Variants in MLLT3 observed in about 807,000 individuals in gnomAD.
MLLT3 encodes the protein protein AF-9.
MLLT3 carries 4 observed loss-of-function variants against 53.2 expected under a neutral mutation model. The ratio of observed to expected loss-of-function variants is 0.08; its 90% CI spans 0.04 to 0.17. The LOEUF is 0.17. MLLT3 is among the 10% of genes least tolerant of loss of function. MLLT3 has a pLI of 1.00. For missense variants in MLLT3, 569 were observed against 684.0 expected (o/e 0.83, Z 1.87); for synonymous variants, 283 against 230.6 (o/e 1.23, Z -2.06).
intron 2 of MLLT3, among the ~76,000 whole-genome samples, chr9:20,612,237 G>A (rs1820720639): frequency 6.6e-6 from 1 of 152,126 alleles, no homozygotes; most frequent in Non-Finnish European, 1.5e-5. Flanking sequence ...ACATTTCTAG[G>A]CTTCTGATTA....
At chr9:20,612,193 TG>T (rs1204313225) in intron 2 of MLLT3, among the ~76,000 whole-genome samples, 2 of 152,168 alleles carry the variant, frequency 1.3e-5, no homozygotes, top group African/African-American at 4.8e-5. Context: ...CAGGCATACT[TG>T]TGACTCATTG....
chr9:20,598,718 T>G (rs1820338553), intron 2 of MLLT3, among the ~76,000 whole-genome samples: 1 of 152,234 alleles, frequency 6.6e-6, no homozygotes, highest in Non-Finnish European at 1.5e-5. Context: ...AGTACACTTC[T>G]AAAACTACCT....
At chr9:20,564,183 G>C (rs568628721) in intron 2 of MLLT3, among the ~76,000 whole-genome samples, 2 of 152,032 alleles carry the variant, frequency 1.3e-5, no homozygotes, top group African/African-American at 4.8e-5. Context: ...TATAAATACA[G>C]AGTGATCAAG....
chr9:20,563,582 A>G (rs951141288), intron 2 of MLLT3, among the ~76,000 whole-genome samples: 1 of 152,102 alleles, frequency 6.6e-6, no homozygotes, highest in Non-Finnish European at 1.5e-5. Context: ...TGCTAAGCAT[A>G]AATACTGCTT....
intron 4 of MLLT3, among the ~76,000 whole-genome samples, chr9:20,442,884 C>T (rs1303391861): frequency 6.6e-6 from 1 of 152,164 alleles, no homozygotes; most frequent in African/African-American, 2.4e-5. Flanking sequence ...TTCCCCATGT[C>T]TTCTCCAGCA....
At chr9:20,365,362 C>T (rs1024326432) in intron 6 of MLLT3, among the ~76,000 whole-genome samples, 3 of 151,760 alleles carry the variant, frequency 2.0e-5, no homozygotes, top group Non-Finnish European at 4.4e-5. Context: ...TTTTTTGAGA[C>T]GGAGTCTCAC....
At chr9:20,415,352 T>C (rs896773812) in intron 4 of MLLT3, 7 of 477,426 alleles carry the variant, frequency 1.5e-5, no homozygotes, top group Non-Finnish European at 1.9e-5. Flanking sequence ...ATATGATCAA[T>C]TTTTCCACTC....
At chr9:20,466,987 A>G (rs1563976848) in intron 2 of MLLT3, among the ~76,000 whole-genome samples, 1 of 152,230 alleles carries the variant, frequency 6.6e-6, no homozygotes, top group South Asian at 2.1e-4. Flanking sequence ...AAAGCTTGGT[A>G]TAAGTAGGTT....
intron 2 of MLLT3, among the ~76,000 whole-genome samples, chr9:20,463,241 T>A (rs1218860986): frequency 1.3e-5 from 2 of 152,076 alleles, no homozygotes; most frequent in Non-Finnish European, 2.9e-5. Flanking sequence ...GAATGTTTAC[T>A]TATGTATTCA....
intron 10 of MLLT3, among the ~76,000 whole-genome samples, chr9:20,349,124 A>G (rs765633140): frequency 6.6e-6 from 1 of 152,212 alleles, no homozygotes; most frequent in African/African-American, 2.4e-5. Flanking sequence ...TAGGTAATTG[A>G]CAAAGCATTC....
chr9:20,515,011 A>G (rs1374350280), intron 2 of MLLT3, among the ~76,000 whole-genome samples: 1 of 123,444 alleles, frequency 8.1e-6, no homozygotes, highest in Non-Finnish European at 1.6e-5. Flanking sequence ...CAGTGGCGTT[A>G]TCTCGGCTCA....
At position 20,513,730 on chromosome 9, in the gene MLLT3, C is replaced by T. The variant is rs115876476; in HGVS notation, c.194-56944G>A. Among the ~76,000 whole-genome samples, 906 of 152,210 alleles carry T rather than the reference C, an allele frequency of 6.0e-3. 6 individuals carry two copies. Among genetic ancestry groups the T allele is most frequent in the African/African-American group, 0.02 (814 of 41,528 alleles). ...GGTTGTACACGGCAGGTATCTGGCT[C>T]GACCACACTGAGGAACCGGGAGGAG... On this transcript the variant is annotated intron_variant, in intron 2 of 10. Coordinates refer to ENST00000380338, the MANE Select transcript of MLLT3 (RefSeq NM_004529.4).
chr9:20,511,954 T>C (rs925071022), intron 2 of MLLT3, among the ~76,000 whole-genome samples: 4 of 151,740 alleles, frequency 2.6e-5, no homozygotes, highest in African/African-American at 7.3e-5. Context: ...CAGTACAGAG[T>C]TCTAAAATAG....
intron 2 of MLLT3, among the ~76,000 whole-genome samples, chr9:20,525,016 T>C (rs939981501): frequency 2.8e-5 from 4 of 145,132 alleles, no homozygotes; most frequent in African/African-American, 1.0e-4. Context: ...CCAGTGAGGG[T>C]AGAGGATAAA....
intron 2 of MLLT3, among the ~76,000 whole-genome samples, chr9:20,503,374 G>C (rs1825297344): frequency 6.6e-6 from 1 of 152,024 alleles, no homozygotes; most frequent in Non-Finnish European, 1.5e-5. Flanking sequence ...GGAATAGAGG[G>C]CCCAGAAATA....
At chr9:20,396,755 G>A (rs1008499077) in intron 5 of MLLT3, among the ~76,000 whole-genome samples, 1 of 151,912 alleles carries the variant, frequency 6.6e-6, no homozygotes. Flanking sequence ...AGGAAGTGAG[G>A]TATGTATGAC....
chr9:20,397,280 G>T (rs1442128779), intron 5 of MLLT3, among the ~76,000 whole-genome samples: 1 of 151,940 alleles, frequency 6.6e-6, no homozygotes, highest in Admixed American at 6.6e-5. Context: ...TACATTATTG[G>T]TTTCTAAAAC....
chr9:20,586,797 G>A (rs759871263), intron 2 of MLLT3, among the ~76,000 whole-genome samples: 5 of 152,044 alleles, frequency 3.3e-5, no homozygotes, highest in African/African-American at 1.2e-4. Flanking sequence ...TTCCTCTAAG[G>A]AGCCAGCAGA....
In MLLT3 at chr9:20,448,665, G is replaced by C. The variant is rs1459427222; in HGVS notation, c.277-399C>G. ...CAAGCCCTCTAACTCTTACTACTAGGCTTTTACTCATGGCCCAAACTATAA... is the reference window on the plus strand; with the variant it reads ...CAAGCCCTCTAACTCTTACTACTAGCCTTTTACTCATGGCCCAAACTATAA... On this transcript the variant is annotated intron_variant, in intron 3 of 10. Transcript: ENST00000380338. The surrounding 1 kb of genome is among the most constrained non-coding windows in gnomAD (Gnocchi z 4.0). Among the ~76,000 whole-genome samples, 2 of 151,892 alleles carry C rather than the reference G, an allele frequency of 1.3e-5. No individual in the cohort carries two copies. Among genetic ancestry groups the C allele is most frequent in the African/African-American group, 4.8e-5 (2 of 41,328 alleles).
Sources: gnomAD v4.1 joint callset for allele counts (sites outside exome capture counted in the v4.1 genomes callset) on GRCh38, gnomAD v4.1.1 for gene constraint, Gnocchi (gnomAD v3.1) non-coding constraint, MANE v1.5 for transcripts, NCBI Gene and HGNC (gene_info 2026-07-23, HGNC 2026-07-21) for gene names.